The following TFEB variants were observed in gnomAD, a reference collection of about 807,000 sequenced individuals.
The protein encoded by TFEB is transcription factor EB.
Under a neutral mutation model 48.0 loss-of-function variants are expected in TFEB, and 12 were observed. That is an observed-to-expected ratio of 0.25 (90% confidence interval 0.16 to 0.40). TFEB has a LOEUF of 0.40. Ranked by LOEUF, TFEB falls within the 10% of genes least tolerant of loss-of-function variation. TFEB has a pLI of 1.00. For missense variants in TFEB, 509 were observed against 640.3 expected, an observed-to-expected ratio of 0.79 and a Z score of 2.21; for synonymous variants, 244 against 261.4, an observed-to-expected ratio of 0.93 and a Z score of 0.64.
At chr6:41,706,695 C>T (rs1045849266) in intron 1 of TFEB, among the ~76,000 whole-genome samples, 1 of 152,100 alleles carries the variant, frequency 6.6e-6, no homozygotes, top group Non-Finnish European at 1.5e-5. Context: ...GGAGACCTGA[C>T]CTGGAAGCCA....
At chr6:41,698,151 G>A (rs1242333668) in intron 1 of TFEB, among the ~76,000 whole-genome samples, 9 of 152,184 alleles carry the variant, frequency 5.9e-5, no homozygotes, top group Non-Finnish European at 8.8e-5. Context: ...TATGAGTGAC[G>A]TGGGTACCAT....
chr6:41,729,424 C>A lies in TFEB; in HGVS notation c.-23+5926G>T, dbSNP rs575555979. ...CAACAACTACGATTCAAGCTGGAATCAAATACTTGCCCTCCATAGGGTGGG... is the reference window on the plus strand; with the variant it reads ...CAACAACTACGATTCAAGCTGGAATAAAATACTTGCCCTCCATAGGGTGGG... On this transcript the variant is annotated intron_variant, in intron 1 of 8. Transcript: ENST00000373033. Among the ~76,000 whole-genome samples, 6 of 152,344 alleles carry A rather than the reference C, an allele frequency of 3.9e-5. No homozygotes were observed. The South Asian group carries it at 1.2e-3, about 32-fold the overall frequency.
chr6:41,734,812 A>T lies in TFEB; in HGVS notation c.-23+538T>A. 1.6e-6 allele frequency: 1 copy of T among 628,772 alleles called. No individual in the cohort carries two copies. The highest frequency in any genetic ancestry group is 2.0e-5 in the African/African-American group (1 of 49,342). The allele number at this position is 628,772 out of a possible 1,614,324, so 38.9% of individuals were successfully genotyped here. On this transcript the variant is annotated intron_variant, in intron 1 of 8. Transcript: ENST00000373033. The surrounding 1 kb of genome is among the most constrained non-coding windows in gnomAD (Gnocchi z 4.0). Reference sequence around the variant, plus strand: ...TGGTACTTCCACCCGCCCCCCCATCAGCCCAGCCCCCGGGGCGTGGCGCCG... The same window carrying T: ...TGGTACTTCCACCCGCCCCCCCATCTGCCCAGCCCCCGGGGCGTGGCGCCG...
chr6:41,701,483 G>C (rs1769921283), intron 1 of TFEB, among the ~76,000 whole-genome samples: 1 of 152,162 alleles, frequency 6.6e-6, no homozygotes, highest in South Asian at 2.1e-4. Flanking sequence ...GGCCCTCAAG[G>C]GCTGCTGGTC....
At position 41,684,552 on chromosome 6, in the gene TFEB, C is replaced by T. The variant is rs759337203; in HGVS notation, c.*47G>A. 557 of 1,503,668 alleles carry T rather than the reference C, an allele frequency of 3.7e-4. No individual in the cohort carries two copies. In the Middle Eastern group the frequency reaches 7.0e-3, roughly 19 times the overall value. The allele number at this position is 1,503,668 out of a possible 1,614,324, so 93.1% of individuals were successfully genotyped here. On this transcript the variant is annotated 3_prime_UTR_variant, in exon 9 of 9. Coordinates refer to ENST00000373033, the MANE Select transcript of TFEB (RefSeq NM_001271944.2). ...TGGGAGGGAGGTGCCCCTGGCCCTC[C>T]CAGCCCCCAGGCCGGCCCCTGTTCC...
intron 1 of TFEB, among the ~76,000 whole-genome samples, chr6:41,704,722 A>C (rs570998051): frequency 1.2e-4 from 18 of 152,310 alleles, no homozygotes; most frequent in African/African-American, 3.6e-4. Context: ...CAAGCATGAA[A>C]ATTGGTGGCG....
intron 7 of TFEB, 88 bp downstream of exon 7, chr6:41,687,006 A>C: frequency 2.7e-6 from 3 of 1,092,818 alleles, no homozygotes; most frequent in Non-Finnish European, 4.2e-6. Context: ...CTCCCATCCT[A>C]GTAACTAGCA....
chr6:41,701,034 A>G (rs897977408), intron 1 of TFEB, among the ~76,000 whole-genome samples: 6 of 152,248 alleles, frequency 3.9e-5, no homozygotes, highest in Non-Finnish European at 8.8e-5. Flanking sequence ...GAGAAACTAG[A>G]AAAGGATTCC....
Position 41,723,477 on chromosome 6 carries a change from C to T in TFEB, c.-23+11873G>A, listed in dbSNP as rs746678827. On this transcript the variant is annotated intron_variant, in intron 1 of 8. Transcript: ENST00000373033. This position sits in a 1 kb window ranked among gnomAD's most constrained non-coding sequence, Gnocchi z 6.0. ...CTCTCATACCTTCGAGAGGGCAGCCCCCTGGAAGGAGGCCCCTGGAATGCT... is the reference window on the plus strand; with the variant it reads ...CTCTCATACCTTCGAGAGGGCAGCCTCCTGGAAGGAGGCCCCTGGAATGCT... 5 of 1,289,242 alleles carry T rather than the reference C, an allele frequency of 3.9e-6. No homozygotes were observed. The highest frequency in any genetic ancestry group is 5.1e-6 in the Non-Finnish European group (5 of 988,594). The allele number at this position is 1,289,242 out of a possible 1,614,324, so 79.9% of individuals were successfully genotyped here.
intron 1 of TFEB, among the ~76,000 whole-genome samples, chr6:41,714,140 CGT>C (rs58309528): frequency 0.4 from 57,791 of 144,676 alleles, 11,362 homozygotes; most frequent in African/African-American, 0.54. Context: ...TGCATGTGTG[CGT>C]GTGTGTGCAT....
At chr6:41,690,219 CT>C (rs1464789413) in intron 3 of TFEB, among the ~76,000 whole-genome samples, 1 of 152,080 alleles carries the variant, frequency 6.6e-6, no homozygotes, top group Admixed American at 6.5e-5. Flanking sequence ...CAACTTCCGC[CT>C]TCCCGATTCA....
intron 1 of TFEB, among the ~76,000 whole-genome samples, chr6:41,731,836 C>T (rs1185056769): frequency 2.0e-5 from 3 of 152,162 alleles, no homozygotes; most frequent in Admixed American, 6.5e-5. Context: ...AGTAAGGATG[C>T]CTCCTCCCTT....
In TFEB at chr6:41,693,846, T is replaced by C. The variant is rs538467783; in HGVS notation, c.-22-2611A>G. ...TCCACCCATGCCTTTGCCCACCCCC[T>C]TCCTATGCTGCTACAGAGGGTTATC... On this transcript the variant is annotated intron_variant, in intron 1 of 8. Coordinates refer to ENST00000373033, the MANE Select transcript of TFEB (RefSeq NM_001271944.2). 3.9e-5 allele frequency among the ~76,000 whole-genome samples: 6 copies of C among 151,934 alleles called. No individual in the cohort carries two copies. The South Asian group carries it at 1.2e-3, about 32-fold the overall frequency.
intron 1 of TFEB, chr6:41,733,683 G>T: frequency 1.1e-5 from 11 of 984,414 alleles, no homozygotes; most frequent in Non-Finnish European, 1.3e-5. Flanking sequence ...AGCAGGCAGG[G>T]ACCTCAAGGC....
At chr6:41,706,717 C>A (rs988789792) in intron 1 of TFEB, among the ~76,000 whole-genome samples, 5 of 152,062 alleles carry the variant, frequency 3.3e-5, no homozygotes, top group Admixed American at 1.3e-4. Flanking sequence ...CATCTCCCCC[C>A]ATAGAGGAGA....
chr6:41,729,890 G>GCTGCAAA (rs747872925), intron 1 of TFEB, among the ~76,000 whole-genome samples: 1 of 152,230 alleles, frequency 6.6e-6, no homozygotes, highest in African/African-American at 2.4e-5. Flanking sequence ...CACCTGGGTA[G>GCTGCAAA]CTGCAAAGCG....
intron 4 of TFEB, 48 bp from the exon 5 acceptor site, chr6:41,688,076 G>A (rs9471626): frequency 0.19 from 295,753 of 1,576,354 alleles, 29,293 homozygotes; most frequent in Non-Finnish European, 0.21. Context: ...CCCTCTCCAC[G>A]GGGAGCCCCC....
In TFEB at chr6:41,734,951, G is replaced by C; in HGVS notation, c.-23+399C>G. 3 of 985,466 alleles carry C rather than the reference G, an allele frequency of 3.0e-6. No homozygotes were observed. Among genetic ancestry groups the C allele is most frequent in the Non-Finnish European group, 3.6e-6 (3 of 830,008 alleles). 61.0% of individuals were successfully genotyped at this position (985,466 alleles called of 1,614,324 possible). ...GCCCCAGCCGTGTCCGGTGGAGGGG[G>C]AGTGGGCGCGGGGCCCGCGCGTCCC... On this transcript the variant is annotated intron_variant, in intron 1 of 8. Coordinates refer to ENST00000373033, the MANE Select transcript of TFEB (RefSeq NM_001271944.2). This position sits in a 1 kb window ranked among gnomAD's most constrained non-coding sequence, Gnocchi z 4.0.
At chr6:41,729,663 G>A (rs1397868217) in intron 1 of TFEB, among the ~76,000 whole-genome samples, 1 of 152,236 alleles carries the variant, frequency 6.6e-6, no homozygotes, top group East Asian at 1.9e-4. Context: ...ACAGTTTTAA[G>A]CACTTGTCCC....
Sources: gnomAD v4.1 joint callset for allele counts (sites outside exome capture counted in the v4.1 genomes callset) on GRCh38, gnomAD v4.1.1 for gene constraint, Gnocchi (gnomAD v3.1) non-coding constraint, MANE v1.5 for transcripts, NCBI Gene and HGNC (gene_info 2026-07-23, HGNC 2026-07-21) for gene names.